Variants in LOXHD1 observed in about 807,000 individuals in gnomAD.
LOXHD1 encodes lipoxygenase homology domain-containing protein 1.
In LOXHD1, 205 loss-of-function variants were observed where a neutral mutation model predicts 248.2. The observed-to-expected ratio is 0.83, with a 90% CI of 0.74 to 0.93. The LOEUF is 0.93. LOXHD1 is among the 40% of genes least tolerant of loss of function. The probability of loss-of-function intolerance (pLI) is 0.00; values close to 1 mark genes in which losing one functional copy is unlikely to be tolerated. For missense variants in LOXHD1, 2,930 were observed against 2,971.6 expected (o/e 0.99, Z 0.33); for synonymous variants, 1,113 against 1,162.8 (o/e 0.96, Z 0.87).
intron 3 of LOXHD1, 140 bp from the exon 4 acceptor site, chr18:46,639,940 T>C (rs2038942629): frequency 9.7e-7 from 1 of 1,028,322 alleles, no homozygotes; most frequent in African/African-American, 1.6e-5. Context: ...TGAACCTCGG[T>C]TTCCTCATCT....
chr18:46,581,928 AT>A (rs2037971255), intron 12 of LOXHD1, among the ~76,000 whole-genome samples: 1 of 152,238 alleles, frequency 6.6e-6, no homozygotes, highest in African/African-American at 2.4e-5. Context: ...TTAACCAAGA[AT>A]TTTAAATCCA....
Position 46,477,418 on chromosome 18 carries a change from G to T in LOXHD1, c.*54C>A, listed in dbSNP as rs1598793586. The stretch of plus-strand genomic sequence containing the variant: ...AAGGGCTGCTGACCGCCAAGGTGGA[G>T]GGCAGAAATGTGAGATTGGGGCATC... On this transcript the variant is annotated 3_prime_UTR_variant, in exon 41 of 41. Transcript: ENST00000642948. 1.1e-5 allele frequency: 17 copies of T among 1,531,274 alleles called. No homozygotes were observed. Among genetic ancestry groups the T allele is most frequent in the Non-Finnish European group, 1.5e-5 (17 of 1,135,682 alleles). The allele number at this position is 1,531,274 out of a possible 1,614,324, so 94.9% of individuals were successfully genotyped here.
intron 33 of LOXHD1, chr18:46,520,545 G>A (rs1250035120): frequency 3.1e-6 from 1 of 323,988 alleles, no homozygotes; most frequent in Admixed American, 4.5e-5. Context: ...CATTTGACCA[G>A]TTAGAGATGG....
chr18:46,633,188 A>C (rs2038849136), intron 4 of LOXHD1, among the ~76,000 whole-genome samples: 1 of 152,246 alleles, frequency 6.6e-6, no homozygotes, highest in African/African-American at 2.4e-5. Context: ...GAAAAAGAAC[A>C]AAAGTTTGAG....
Position 46,477,885 on chromosome 18 carries a change from C to A in LOXHD1, c.6409G>T (p.Val2137Phe), listed in dbSNP as rs1397885610. 1.9e-6 allele frequency: 3 copies of A among 1,551,734 alleles called. No individual in the cohort carries two copies. Among genetic ancestry groups the A allele is most frequent in the Non-Finnish European group, 2.6e-6 (3 of 1,147,000 alleles). The change falls in exon 41 of 41, where the codon GTT becomes TTT. Residue 2137 changes from valine to phenylalanine, a missense_variant. Transcript: ENST00000642948. ...GCAAAGCTCTCTGTCGTCTTGGTAA[C>A]CTCGAATACCTTGAAGTACTTCCTC... ...RKRKYFKVFE[V>F]TKTTESFASK... is the part of the protein sequence containing the mutation.
chr18:46,525,723 C>T (rs145730362), intron 29 of LOXHD1, among the ~76,000 whole-genome samples: 1 of 152,204 alleles, frequency 6.6e-6, no homozygotes, highest in Non-Finnish European at 1.5e-5. Flanking sequence ...TGAGAGGGGA[C>T]AGGTGACACT....
At position 46,533,799 on chromosome 18, in the gene LOXHD1, G is replaced by A. The variant is rs538061870; in HGVS notation, c.4213-475C>T. On this transcript the variant is annotated intron_variant, in intron 27 of 40. Transcript: ENST00000642948. ...AAATTAGTCGGGCGTGGTGGCGTGC[G>A]CCTGTAGTCCTAGCTACTTGGGAGG... 6.0e-5 allele frequency: 15 copies of A among 248,200 alleles called. No homozygotes were observed. The East Asian group carries it at 6.6e-4, about 11-fold the overall frequency. The allele number at this position is 248,200 out of a possible 1,614,324, so 15.4% of individuals were successfully genotyped here.
In LOXHD1 at chr18:46,602,530, G is replaced by T. The variant is rs148577980; in HGVS notation, c.884-1063C>A. ...CTACATTCTGTAATTCTGTCCTGGG[G>T]TCTAAGGCGGTTGTCACTTTAAGCC... On this transcript the variant is annotated intron_variant, in intron 7 of 40. Transcript: ENST00000642948. Among the ~76,000 whole-genome samples the T allele has an allele frequency of 3.4e-3, 515 of 152,020 alleles. 4 individuals are homozygous for T. The highest frequency in any genetic ancestry group is 0.012 in the African/African-American group (500 of 41,476).
intron 4 of LOXHD1, among the ~76,000 whole-genome samples, chr18:46,635,004 G>A (rs1392769495): frequency 6.6e-6 from 1 of 152,174 alleles, no homozygotes; most frequent in East Asian, 1.9e-4. Flanking sequence ...CAGAGTCAGG[G>A]AGGCCCCTTC....
intron 15 of LOXHD1, among the ~76,000 whole-genome samples, chr18:46,570,436 C>G (rs2037729975): frequency 6.6e-6 from 1 of 152,176 alleles, no homozygotes; most frequent in Non-Finnish European, 1.5e-5. Flanking sequence ...TAGGGTCCTC[C>G]CACTAGGCAG....
intron 37 of LOXHD1, among the ~76,000 whole-genome samples, chr18:46,494,730 G>T (rs2033717557): frequency 2.0e-5 from 3 of 152,052 alleles, no homozygotes; most frequent in Admixed American, 2.0e-4. Flanking sequence ...GATGATTTCT[G>T]AGGTTCTTTA....
At chr18:46,529,378 T>C in intron 28 of LOXHD1, 47 bp from the exon 29 acceptor site, 1 of 1,501,786 alleles carries the variant, frequency 6.7e-7, no homozygotes, top group Non-Finnish European at 8.9e-7. Flanking sequence ...AAGAAAAGGG[T>C]GACAGCGCTT....
intron 40 of LOXHD1, among the ~76,000 whole-genome samples, chr18:46,479,260 G>GTGTGTGTA (rs1490775022): frequency 6.7e-6 from 1 of 149,708 alleles, no homozygotes; most frequent in Admixed American, 6.7e-5. Flanking sequence ...GTGTGTGTGT[G>GTGTGTGTA]TGTGTGTTCA....
rs181702051 is a variant in LOXHD1, at chr18:46,524,001, T to C, written c.4876+465A>G. 4.3e-3 allele frequency among the ~76,000 whole-genome samples: 662 copies of C among 152,308 alleles called. 3 individuals are homozygous for C. Among genetic ancestry groups the C allele is most frequent in the African/African-American group, 0.015 (625 of 41,572 alleles). ...AAAAATCTGGTTAGCAAAAAGAACT[T>C]GCCAGGGAACTCTGATATTGTTTTA... On this transcript the variant is annotated intron_variant, in intron 31 of 40. Coordinates refer to ENST00000642948, the MANE Select transcript of LOXHD1 (RefSeq NM_001384474.1).
chr18:46,592,659 C>A, intron 10 of LOXHD1, 75 bp from the exon 11 acceptor site: 1 of 1,252,130 alleles, frequency 8.0e-7, no homozygotes, highest in Non-Finnish European at 1.1e-6. Flanking sequence ...GACCCACTCT[C>A]AGGAGGGTAC....
At chr18:46,537,622 C>CT (rs1568154911) in intron 26 of LOXHD1, among the ~76,000 whole-genome samples, 1 of 152,216 alleles carries the variant, frequency 6.6e-6, no homozygotes, top group Non-Finnish European at 1.5e-5. Flanking sequence ...GCATTATGAC[C>CT]TACATGCACA....
At chr18:46,603,332 G>A (rs185973102) in intron 7 of LOXHD1, among the ~76,000 whole-genome samples, 83 of 152,180 alleles carry the variant, frequency 5.5e-4, no homozygotes, top group South Asian at 3.1e-3. Flanking sequence ...AGGGAAGAAT[G>A]GAAGGTGTGA....
rs758753437 is a variant in LOXHD1, at chr18:46,489,020, C to T, written c.6001G>A (p.Asp2001Asn). 2.5e-5 allele frequency: 39 copies of T among 1,551,560 alleles called. No homozygotes were observed. Among genetic ancestry groups the T allele is most frequent in the East Asian group, 2.0e-4 (8 of 40,926 alleles). The part of the protein sequence containing the change: ...KSEGDGQTVR[D>N]FACANNKICD... ...ATCTTGTTGTTGGCACAGGCAAAGTCGCGGACCGTCTGCCCGTCACCCTCA... is the reference window on the plus strand; with the variant it reads ...ATCTTGTTGTTGGCACAGGCAAAGTTGCGGACCGTCTGCCCGTCACCCTCA... Residue 2001 changes from aspartate (D) to asparagine (N), a missense_variant, in exon 38 of 41, where the codon GAC becomes AAC. By Grantham distance (23) the Asp-to-Asn change is conservative. Transcript: ENST00000642948.
rs1348879559 is a variant in LOXHD1 at position 46,649,373 on chromosome 18, G to A, written c.131-104C>T. 4.3e-6 allele frequency: 4 copies of A among 940,574 alleles called. No individual in the cohort carries two copies. In the African/African-American group the frequency reaches 6.6e-5, roughly 15 times the overall value. 58.3% of individuals were successfully genotyped at this position (940,574 alleles called of 1,614,324 possible). On this transcript the variant is annotated intron_variant, in intron 1 of 40. Coordinates refer to ENST00000642948, the MANE Select transcript of LOXHD1 (RefSeq NM_001384474.1). ...TTGCTGGGGAGGCCCAAGCACAAAG[G>A]ACTCTTGGAATCCCTGCTGCATCCT...
Sources: gnomAD v4.1 joint callset for allele counts (sites outside exome capture counted in the v4.1 genomes callset) on GRCh38, gnomAD v4.1.1 for gene constraint, MANE v1.5 for transcripts, NCBI Gene and HGNC (gene_info 2026-07-23, HGNC 2026-07-21) for gene names.